The following CTNNA3 variants were observed in gnomAD, a reference collection of about 807,000 sequenced individuals.
CTNNA3 encodes the protein catenin alpha 3.
Under a neutral mutation model 95.7 loss-of-function variants are expected in CTNNA3, and 76 were observed. That is an observed-to-expected ratio of 0.79 (90% CI 0.66 to 0.96). The LOEUF (loss-of-function observed/expected upper bound fraction) is 0.96, where lower values mean the gene tolerates loss of function less well. Ranked by LOEUF, CTNNA3 falls within the 40% of genes least tolerant of loss-of-function variation. CTNNA3 has a pLI of 0.00. For missense variants in CTNNA3, 1,191 were observed against 1,089.8 expected, an observed-to-expected ratio of 1.09 and a Z score of -1.31; for synonymous variants, 431 against 374.4, an observed-to-expected ratio of 1.15 and a Z score of -1.74.
chr10:66,771,088 G>A (rs1313285237), intron 8 of CTNNA3, among the ~76,000 whole-genome samples: 2 of 151,988 alleles, frequency 1.3e-5, no homozygotes, highest in African/African-American at 4.8e-5. Flanking sequence ...GTGGTGAACT[G>A]GTACTATGCA....
At chr10:66,480,902 C>T (rs1479504690) in intron 11 of CTNNA3, among the ~76,000 whole-genome samples, 1 of 152,090 alleles carries the variant, frequency 6.6e-6, no homozygotes, top group African/African-American at 2.4e-5. Context: ...CATGCCTGGC[C>T]TAATTTAAAT....
chr10:66,828,658 T>C (rs975935639), intron 7 of CTNNA3, among the ~76,000 whole-genome samples: 7 of 152,238 alleles, frequency 4.6e-5, no homozygotes, highest in African/African-American at 1.7e-4. Flanking sequence ...TACACTTATT[T>C]TAAAACGCTT....
At chr10:67,018,080 T>A (rs1852774126) in intron 7 of CTNNA3, among the ~76,000 whole-genome samples, 1 of 152,140 alleles carries the variant, frequency 6.6e-6, no homozygotes, top group South Asian at 2.1e-4. Context: ...CCTGTGGATA[T>A]ATATTAAACA....
intron 1 of CTNNA3, among the ~76,000 whole-genome samples, chr10:67,726,313 TTA>T (rs1284471881): frequency 6.5e-5 from 6 of 91,746 alleles, no homozygotes; most frequent in Admixed American, 3.6e-4. Context: ...ATCTTACATA[TTA>T]TATATATTAT....
intron 1 of CTNNA3, among the ~76,000 whole-genome samples, chr10:67,678,430 C>T (rs1463685662): frequency 1.3e-5 from 2 of 152,122 alleles, no homozygotes; most frequent in Admixed American, 6.6e-5. Context: ...TTATCTCCTG[C>T]CTCTCTACCA....
At chr10:67,112,399 C>T (rs1457088603) in intron 7 of CTNNA3, among the ~76,000 whole-genome samples, 1 of 151,854 alleles carries the variant, frequency 6.6e-6, no homozygotes, top group Non-Finnish European at 1.5e-5. Flanking sequence ...GTGTATGTAA[C>T]TAGAGTCTGA....
chr10:67,312,471 T>A (rs1167967077), intron 5 of CTNNA3, among the ~76,000 whole-genome samples: 1 of 152,118 alleles, frequency 6.6e-6, no homozygotes, highest in African/African-American at 2.4e-5. Context: ...TAAAGCTGAG[T>A]GATCACCATA....
intron 7 of CTNNA3, among the ~76,000 whole-genome samples, chr10:66,964,022 T>C (rs967095273): frequency 2.1e-5 from 3 of 145,682 alleles, no homozygotes; most frequent in African/African-American, 8.3e-5. Context: ...AATTTTCGTA[T>C]TTTTTTTTCA....
At chr10:66,866,218 T>C (rs1010808506) in intron 7 of CTNNA3, among the ~76,000 whole-genome samples, 3 of 152,176 alleles carry the variant, frequency 2.0e-5, no homozygotes, top group African/African-American at 4.8e-5. Context: ...CTCCTGCCTG[T>C]CAGTACAGGG....
intron 10 of CTNNA3, among the ~76,000 whole-genome samples, chr10:66,607,104 G>A (rs987276954): frequency 3.9e-5 from 6 of 151,900 alleles, no homozygotes; most frequent in Admixed American, 6.6e-5. Flanking sequence ...GGATATTACT[G>A]CTGACCCCAC....
At chr10:67,137,348 G>T (rs988979316) in intron 7 of CTNNA3, among the ~76,000 whole-genome samples, 1 of 152,038 alleles carries the variant, frequency 6.6e-6, no homozygotes, top group Non-Finnish European at 1.5e-5. Flanking sequence ...CTCTTACACA[G>T]TTCCGCAAAT....
chr10:67,499,373 G>A (rs1839153254), intron 5 of CTNNA3, among the ~76,000 whole-genome samples: 1 of 152,094 alleles, frequency 6.6e-6, no homozygotes, highest in Admixed American at 6.5e-5. Flanking sequence ...ATATTCATCA[G>A]GGATATTGGC....
At chr10:67,483,009 C>A (rs574520462) in intron 5 of CTNNA3, among the ~76,000 whole-genome samples, 1 of 151,946 alleles carries the variant, frequency 6.6e-6, no homozygotes, top group African/African-American at 2.4e-5. Context: ...AAAAAACACA[C>A]GAAAAAATGC....
chr10:66,548,658 G>C (rs1842113453), intron 10 of CTNNA3, among the ~76,000 whole-genome samples: 2 of 152,106 alleles, frequency 1.3e-5, no homozygotes, highest in Non-Finnish European at 2.9e-5. Flanking sequence ...ATGTATTCAA[G>C]TGATCATCCA....
intron 7 of CTNNA3, among the ~76,000 whole-genome samples, chr10:66,916,628 T>C (rs1353553364): frequency 1.3e-5 from 2 of 152,168 alleles, no homozygotes; most frequent in Non-Finnish European, 2.9e-5. Context: ...GCTAATACCA[T>C]AGGATTCATT....
chr10:66,582,592 A>C (rs1193550123), intron 10 of CTNNA3, among the ~76,000 whole-genome samples: 1 of 151,758 alleles, frequency 6.6e-6, no homozygotes, highest in East Asian at 1.9e-4. Context: ...AACAAAGATA[A>C]TTTGACTCCA....
chr10:66,685,284 AG>A (rs1564617281), intron 9 of CTNNA3, among the ~76,000 whole-genome samples: 1 of 73,056 alleles, frequency 1.4e-5, no homozygotes, highest in Non-Finnish European at 2.4e-5. Context: ...CGTATATATA[AG>A]TATATATATG....
At chr10:65,966,558 C>G in intron 17 of CTNNA3, 54 bp downstream of exon 17, 1 of 1,474,800 alleles carries the variant, frequency 6.8e-7, no homozygotes, top group Admixed American at 1.9e-5. Context: ...GGTGTAGTTA[C>G]TCTGTTTCAA....
chr10:66,663,058 G>T (rs1037537287), intron 9 of CTNNA3, among the ~76,000 whole-genome samples: 1 of 152,064 alleles, frequency 6.6e-6, no homozygotes, highest in African/African-American at 2.4e-5. Flanking sequence ...GAATCCAATG[G>T]CACATTCTTC....
Sources: gnomAD v4.1 joint callset for allele counts (sites outside exome capture counted in the v4.1 genomes callset) on GRCh38, gnomAD v4.1.1 for gene constraint, MANE v1.5 for transcripts, NCBI Gene and HGNC (gene_info 2026-07-23, HGNC 2026-07-21) for gene names.